The following HNF4G variants were observed in gnomAD, a reference collection of about 807,000 sequenced individuals.
HNF4G encodes hepatocyte nuclear factor 4 gamma.
In HNF4G, 21 loss-of-function variants were observed where a neutral mutation model predicts 50.9. That is an observed-to-expected ratio of 0.41 (90% CI 0.29 to 0.59). The LOEUF is 0.59. HNF4G is among the 20% of genes least tolerant of loss of function. The probability of loss-of-function intolerance (pLI) is 0.26; values close to 1 mark genes in which losing one functional copy is unlikely to be tolerated. For missense variants in HNF4G, 527 were observed against 559.4 expected (o/e 0.94, Z 0.58); for synonymous variants, 198 against 185.6 (o/e 1.07, Z -0.54).
chr8:75,409,061 C>T (rs1432002365), intron 1 of HNF4G, among the ~76,000 whole-genome samples: 1 of 152,160 alleles, frequency 6.6e-6, no homozygotes, highest in Non-Finnish European at 1.5e-5. Flanking sequence ...TTTTCATGTC[C>T]TGTGGATACT....
chr8:75,437,161 G>T (rs1811159458), intron 1 of HNF4G, among the ~76,000 whole-genome samples: 1 of 152,114 alleles, frequency 6.6e-6, no homozygotes, highest in Admixed American at 6.6e-5. Context: ...ACAAAGTTTC[G>T]AATATAAAAA....
intron 2 of HNF4G, among the ~76,000 whole-genome samples, chr8:75,515,978 G>C (rs773211693): frequency 6.6e-6 from 1 of 152,080 alleles, no homozygotes; most frequent in Non-Finnish European, 1.5e-5. Context: ...TGGTCAGGCT[G>C]GTCTCGAACT....
At chr8:75,519,435 A>T (rs552895891) in intron 2 of HNF4G, among the ~76,000 whole-genome samples, 6 of 152,172 alleles carry the variant, frequency 3.9e-5, no homozygotes, top group Non-Finnish European at 7.3e-5. Context: ...CTCTTCCAGT[A>T]CCAATTTACT....
chr8:75,516,768 G>A (rs553553045), intron 2 of HNF4G, among the ~76,000 whole-genome samples: 21 of 152,054 alleles, frequency 1.4e-4, no homozygotes, highest in Non-Finnish European at 2.6e-4. Flanking sequence ...AGATTGTTAT[G>A]TCTTCTTGAA....
intron 1 of HNF4G, among the ~76,000 whole-genome samples, chr8:75,477,897 G>C (rs1439507466): frequency 6.6e-6 from 1 of 152,142 alleles, no homozygotes; most frequent in Non-Finnish European, 1.5e-5. Flanking sequence ...AACCCAGGAG[G>C]GGGAGGCTGC....
intron 2 of HNF4G, among the ~76,000 whole-genome samples, chr8:75,493,651 G>A (rs1320385684): frequency 6.6e-6 from 1 of 151,712 alleles, no homozygotes; most frequent in Non-Finnish European, 1.5e-5. Flanking sequence ...TAAATTTTCT[G>A]TTTTATCTAT....
intron 1 of HNF4G, among the ~76,000 whole-genome samples, chr8:75,430,619 T>G (rs1810992458): frequency 6.6e-6 from 1 of 152,096 alleles, no homozygotes; most frequent in Non-Finnish European, 1.5e-5. Flanking sequence ...CTCCCTTATG[T>G]AAGCCATATT....
chr8:75,423,335 CTTT>C (rs34511777), intron 1 of HNF4G, among the ~76,000 whole-genome samples: 1 of 94,618 alleles, frequency 1.1e-5, no homozygotes. Flanking sequence ...TTTTCTTTAT[CTTT>C]TTTTTTTTTT....
At chr8:75,561,996 G>A (rs1469703830) in intron 9 of HNF4G, among the ~76,000 whole-genome samples, 1 of 152,072 alleles carries the variant, frequency 6.6e-6, no homozygotes, top group Non-Finnish European at 1.5e-5. Context: ...ATTAATCCCA[G>A]ATTTACCTTT....
chr8:75,466,803 C>T (rs952799305), intron 1 of HNF4G, among the ~76,000 whole-genome samples: 1 of 152,132 alleles, frequency 6.6e-6, no homozygotes, highest in South Asian at 2.1e-4. Flanking sequence ...CCTGCCTCAG[C>T]CTTCCAAGTA....
chr8:75,558,506 T>C lies in HNF4G; in HGVS notation c.734-12T>C. ...TATTTTGTTTTGTTTTGTTTTGTTT[T>C]CTCTCTCATAGGAAACAACTATGTT... On this transcript the variant is annotated splice_polypyrimidine_tract_variant and intron_variant, in intron 6 of 9. Coordinates refer to ENST00000396423, the MANE Select transcript of HNF4G (RefSeq NM_004133.5). The C allele has an allele frequency of 6.3e-7, 1 of 1,599,780 alleles. No individual in the cohort carries two copies. The highest frequency in any genetic ancestry group is 8.5e-7 in the Non-Finnish European group (1 of 1,175,838).
intron 1 of HNF4G, among the ~76,000 whole-genome samples, chr8:75,450,227 T>C (rs1340233960): frequency 3.9e-5 from 6 of 152,336 alleles, no homozygotes; most frequent in East Asian, 3.9e-4. Flanking sequence ...GTGTATGTAT[T>C]CGACATTTTC....
At chr8:75,436,368 T>C (rs1811136406) in intron 1 of HNF4G, among the ~76,000 whole-genome samples, 1 of 152,216 alleles carries the variant, frequency 6.6e-6, no homozygotes, top group Non-Finnish European at 1.5e-5. Flanking sequence ...GAAAGACCTC[T>C]TGCCCTATCA....
chr8:75,453,751 C>T (rs1156553898), intron 1 of HNF4G, among the ~76,000 whole-genome samples: 3 of 152,058 alleles, frequency 2.0e-5, no homozygotes, highest in South Asian at 2.1e-4. Context: ...CTGTCTTCTT[C>T]GTGAGCAAGT....
At chr8:75,523,713 C>G (rs1380019393) in intron 2 of HNF4G, among the ~76,000 whole-genome samples, 5 of 151,684 alleles carry the variant, frequency 3.3e-5, no homozygotes, top group South Asian at 4.1e-4. Flanking sequence ...AAACTTCTCC[C>G]TGCTGTATAA....
rs1191115439 is a variant in HNF4G, at chr8:75,558,552, A to T, written c.768A>T (p.Glu256Asp). 4 of 1,613,576 alleles carry T rather than the reference A, an allele frequency of 2.5e-6. No homozygotes were observed. The South Asian group carries it at 4.4e-5, about 18-fold the overall frequency. Reference protein sequence around the residue: ...NNYVIHRNSCEVEISRVANRV... With the variant: ...NNYVIHRNSCDVEISRVANRV... ...ATGTTATTCACCGCAACAGCTGTGAAGTTGAGATTAGCCGTGTGGCCAATC... is the reference window on the plus strand; with the variant it reads ...ATGTTATTCACCGCAACAGCTGTGATGTTGAGATTAGCCGTGTGGCCAATC... The change falls in exon 7 of 10, where the codon GAA (glutamate) becomes GAT (aspartate). Residue 256 changes from glutamate to aspartate, a missense_variant. By Grantham distance (45) the Glu-to-Asp change is conservative (BLOSUM62 2). Coordinates refer to ENST00000396423, the MANE Select transcript of HNF4G (RefSeq NM_004133.5).
chr8:75,434,514 C>T (rs1016509838), intron 1 of HNF4G, among the ~76,000 whole-genome samples: 5 of 151,412 alleles, frequency 3.3e-5, no homozygotes, highest in Non-Finnish European at 7.4e-5. Flanking sequence ...AACAGAACAA[C>T]AAAATAAACA....
At chr8:75,500,901 GA>G (rs1812909169) in intron 2 of HNF4G, among the ~76,000 whole-genome samples, 1 of 152,022 alleles carries the variant, frequency 6.6e-6, no homozygotes, top group South Asian at 2.1e-4. Context: ...TTGGTTTTTT[GA>G]GGACTGATGA....
At chr8:75,502,664 G>A (rs1412119931) in intron 2 of HNF4G, among the ~76,000 whole-genome samples, 1 of 152,172 alleles carries the variant, frequency 6.6e-6, no homozygotes, top group Non-Finnish European at 1.5e-5. Flanking sequence ...GTATAGAAGA[G>A]GTTGTGGAAA....
Sources: allele counts gnomAD v4.1 joint callset (sites outside exome capture counted in the v4.1 genomes callset), GRCh38; gene constraint gnomAD v4.1.1; transcripts MANE v1.5; gene names NCBI Gene and HGNC (gene_info 2026-07-23, HGNC 2026-07-21).